The following BCL2L13 variants were observed in gnomAD, a reference collection of about 807,000 sequenced individuals.
BCL2L13 encodes BCL2 like 13.
Under a neutral mutation model 25.8 loss-of-function variants are expected in BCL2L13, and 13 were observed. That is an observed-to-expected ratio of 0.50 (90% CI 0.33 to 0.80). BCL2L13 has a LOEUF of 0.80. Among genes scored for constraint, BCL2L13 ranks in the 30% least tolerant of loss-of-function variants. The probability of loss-of-function intolerance (pLI) is 0.02; values close to 1 mark genes in which losing one functional copy is unlikely to be tolerated. For missense variants in BCL2L13, 504 were observed against 574.9 expected (o/e 0.88, Z 1.26); for synonymous variants, 244 against 230.3 (o/e 1.06, Z -0.54).
chr22:17,629,134 G>C (rs2057949930), intron 1 of BCL2L13: 1 of 157,466 alleles, frequency 6.4e-6, no homozygotes, highest in African/African-American at 2.4e-5. Context: ...GGGAGACCAA[G>C]GCGGGTGTAT....
At position 17,644,834 on chromosome 22, in the gene BCL2L13, G is replaced by A. The variant is rs1382441736; in HGVS notation, c.-51+5948G>A. ...TTTTTTTTTTTTTTCTTTTTGAGAC[G>A]GAGTCTTGCTCTGTCATCAGGCTGG... On this transcript the variant is annotated intron_variant, in intron 1 of 6. Coordinates refer to ENST00000317582, the MANE Select transcript of BCL2L13 (RefSeq NM_015367.4). Among the ~76,000 whole-genome samples the A allele has an allele frequency of 9.0e-5, 13 of 144,772 alleles. No homozygotes were observed. The East Asian group carries it at 1.8e-3, about 20-fold the overall frequency. 95.0% of individuals were successfully genotyped at this position (144,772 alleles called of 152,430 possible).
At chr22:17,631,050 T>A in intron 1 of BCL2L13, among the ~76,000 whole-genome samples, 1 of 152,220 alleles carries the variant, frequency 6.6e-6, no homozygotes, top group South Asian at 2.1e-4. Context: ...CTCAGACTTA[T>A]CTTTCTTGAT....
chr22:17,660,490 G>C (rs1364255581), intron 2 of BCL2L13, among the ~76,000 whole-genome samples: 1 of 146,176 alleles, frequency 6.8e-6, no homozygotes, highest in Non-Finnish European at 1.6e-5. Context: ...TATGATCTTG[G>C]CTCACTGCAA....
At chr22:17,641,360 G>A (rs996346932) in intron 1 of BCL2L13, among the ~76,000 whole-genome samples, 11 of 151,944 alleles carry the variant, frequency 7.2e-5, no homozygotes, top group Non-Finnish European at 1.2e-4. Context: ...TACAAAGTGG[G>A]GGTGGGTGGT....
At chr22:17,711,303 C>CGTTTTTTTTTTTTT (rs2060751798) in intron 6 of BCL2L13, among the ~76,000 whole-genome samples, 1 of 101,968 alleles carries the variant, frequency 9.8e-6, no homozygotes, top group Non-Finnish European at 2.2e-5. Flanking sequence ...TCATGATGGG[C>CGTTTTTTTTTTTTT]CTTTTTTTTT....
intron 6 of BCL2L13, among the ~76,000 whole-genome samples, chr22:17,710,500 A>G (rs1400961572): frequency 6.6e-6 from 1 of 152,070 alleles, no homozygotes; most frequent in Non-Finnish European, 1.5e-5. Flanking sequence ...GAATCGCTTG[A>G]ACTTGGGAGG....
chr22:17,669,720 A>G (rs957594140), intron 2 of BCL2L13, among the ~76,000 whole-genome samples: 1 of 152,170 alleles, frequency 6.6e-6, no homozygotes, highest in Non-Finnish European at 1.5e-5. Context: ...TCGTGGGTTA[A>G]TGGATTAATG....
At chr22:17,640,399 A>G (rs991569490) in intron 1 of BCL2L13, among the ~76,000 whole-genome samples, 33 of 152,088 alleles carry the variant, frequency 2.2e-4, no homozygotes, top group Non-Finnish European at 3.8e-4. Context: ...CTCCTACAGC[A>G]AGGACCAGTA....
chr22:17,726,710 G>A lies in BCL2L13; in HGVS notation c.634G>A (p.Glu212Lys). 6.2e-7 allele frequency: 1 copy of A among 1,614,110 alleles called. No homozygotes were observed. Among genetic ancestry groups the A allele is most frequent in the Non-Finnish European group, 8.5e-7 (1 of 1,180,022 alleles). ...GTTTAGTCTTGAGTCAGAGGAGGAGGAATACCCTGGAATCACTGCAGAAGA... is the reference window on the plus strand; with the variant it reads ...GTTTAGTCTTGAGTCAGAGGAGGAGAAATACCCTGGAATCACTGCAGAAGA... ...TVFSLESEEE[E>K]YPGITAEDSN... is the part of the protein sequence containing the mutation. The change falls in exon 7 of 7, where the codon GAA becomes AAA. Residue 212 changes from glutamate to lysine, a missense_variant. Transcript: ENST00000317582.
intron 1 of BCL2L13, among the ~76,000 whole-genome samples, chr22:17,650,186 ATTC>A (rs1406989674): frequency 1.3e-5 from 2 of 151,966 alleles, no homozygotes; most frequent in Non-Finnish European, 2.9e-5. Flanking sequence ...TCTTATTTTC[ATTC>A]TTCTTGACAT....
At chr22:17,724,100 C>T (rs1285041713) in intron 6 of BCL2L13, among the ~76,000 whole-genome samples, 3 of 151,894 alleles carry the variant, frequency 2.0e-5, no homozygotes, top group East Asian at 1.9e-4. Context: ...TAGAGAGACC[C>T]GTCTCTACAA....
chr22:17,670,361 A>T, intron 2 of BCL2L13, among the ~76,000 whole-genome samples: 1 of 109,952 alleles, frequency 9.1e-6, no homozygotes. Context: ...GAGTCCTGCT[A>T]TCTCAAATCA....
chr22:17,685,760 CTTTTTTT>C lies in BCL2L13; in HGVS notation c.229+2462_229+2468del, dbSNP rs1166792513. Among the ~76,000 whole-genome samples the C allele has an allele frequency of 1.7e-3, 101 of 60,560 alleles. 2 individuals are homozygous for C. Among genetic ancestry groups the C allele is most frequent in the East Asian group, 9.0e-3 (18 of 1,994 alleles). 39.7% of individuals were successfully genotyped at this position (60,560 alleles called of 152,430 possible). Reference sequence around the variant, plus strand: ...TATTGCCCAATAATTTTTTCTTTTTCTTTTTTTTTTTTTTTTTTTTTTTTTTTTTGAG... The same window carrying C: ...TATTGCCCAATAATTTTTTCTTTTTCTTTTTTTTTTTTTTTTTTTTTTGAG... On this transcript the variant is annotated intron_variant, in intron 3 of 6. Transcript: ENST00000317582.
chr22:17,683,044 A>T (rs1024137019), intron 2 of BCL2L13, among the ~76,000 whole-genome samples, 170 bp from the exon 3 acceptor site: 1 of 152,096 alleles, frequency 6.6e-6, no homozygotes, highest in Admixed American at 6.6e-5. Context: ...GAGGCAGGAG[A>T]ATCGCTTGAA....
chr22:17,719,480 C>G (rs2061041228), intron 6 of BCL2L13, among the ~76,000 whole-genome samples: 1 of 152,092 alleles, frequency 6.6e-6, no homozygotes, highest in Non-Finnish European at 1.5e-5. Flanking sequence ...TTTATAACAA[C>G]ACTATTCTAA....
intron 2 of BCL2L13, among the ~76,000 whole-genome samples, chr22:17,660,762 G>A (rs1337653076): frequency 6.9e-6 from 1 of 145,784 alleles, no homozygotes; most frequent in Non-Finnish European, 1.6e-5. Context: ...TTCAACTTTT[G>A]TAATGTTTTT....
rs2043151580 is a variant in BCL2L13, at chr22:17,702,253, C to T, written c.467C>T (p.Pro156Leu). 3.1e-6 allele frequency: 5 copies of T among 1,600,706 alleles called. No individual in the cohort carries two copies. Among genetic ancestry groups the T allele is most frequent in the Non-Finnish European group, 4.3e-6 (5 of 1,174,594 alleles). ...ATCTTTGCATTGAAGATTTTGGTGC[C>T]TCTGGTTTTGCTACGACAAATGCTT... The part of the protein sequence containing the change: ...HASGWNKILV[P>L]LVLLRQMLLE... Residue 156 changes from proline to leucine, a missense_variant, in exon 6 of 7, where the codon CCT (proline) becomes CTT (leucine). Transcript: ENST00000317582.
chr22:17,630,218 A>G (rs1197893805), intron 1 of BCL2L13, among the ~76,000 whole-genome samples: 1 of 129,308 alleles, frequency 7.7e-6, no homozygotes, highest in East Asian at 2.1e-4. Flanking sequence ...ACTCCGTCTC[A>G]AAAAAACAAA....
intron 6 of BCL2L13, among the ~76,000 whole-genome samples, chr22:17,723,364 T>C (rs2061202481): frequency 6.6e-6 from 1 of 152,156 alleles, no homozygotes. Flanking sequence ...TAAAGACAGA[T>C]TTTACTTTAC....
Sources: gnomAD v4.1 joint callset for allele counts (sites outside exome capture counted in the v4.1 genomes callset) on GRCh38, gnomAD v4.1.1 for gene constraint, MANE v1.5 for transcripts, NCBI Gene and HGNC (gene_info 2026-07-23, HGNC 2026-07-21) for gene names.